Variants in EYS observed in about 807,000 individuals in gnomAD.
EYS encodes protein eyes shut homolog.
A neutral mutation model predicts 282.1 loss-of-function variants in EYS; 250 were observed. The observed-to-expected ratio is 0.89, with a 90% CI of 0.80 to 0.98. The LOEUF (loss-of-function observed/expected upper bound fraction) is 0.98. EYS is among the 50% of genes least tolerant of loss of function. The probability of loss-of-function intolerance (pLI) is 0.00; values close to 1 mark genes in which losing one functional copy is unlikely to be tolerated. For synonymous variants in EYS, 1,355 were observed against 1,282.9 expected, an observed-to-expected ratio of 1.06 and a Z score of -1.20; for missense variants, 4,016 against 3,709.0, an observed-to-expected ratio of 1.08 and a Z score of -2.15.
At chr6:65,503,254 A>T (rs552321887) in intron 2 of EYS, among the ~76,000 whole-genome samples, 1 of 151,654 alleles carries the variant, frequency 6.6e-6, no homozygotes, top group African/African-American at 2.4e-5. Flanking sequence ...TTTATTTACC[A>T]TCTGTATATT....
chr6:64,376,592 CTGCACTCTCTCTA>C (rs537835631), intron 29 of EYS, among the ~76,000 whole-genome samples: 42 of 152,254 alleles, frequency 2.8e-4, no homozygotes, highest in Non-Finnish European at 5.6e-4. Flanking sequence ...CTTTAGAATT[CTGCACTCTCTCTA>C]GGATAATCGC....
At chr6:65,540,657 G>A (rs187676218) in intron 2 of EYS, among the ~76,000 whole-genome samples, 4 of 152,234 alleles carry the variant, frequency 2.6e-5, no homozygotes, top group South Asian at 2.1e-4. Flanking sequence ...GGTGGCTCAC[G>A]CCTGTAATCC....
intron 22 of EYS, among the ~76,000 whole-genome samples, chr6:64,781,743 C>T (rs1047241970): frequency 1.3e-5 from 2 of 152,098 alleles, no homozygotes; most frequent in African/African-American, 4.8e-5. Context: ...CTTTTTCATA[C>T]ATTGGAGAAC....
intron 31 of EYS, among the ~76,000 whole-genome samples, chr6:64,112,449 T>C (rs1773235766): frequency 1.3e-5 from 2 of 151,912 alleles, no homozygotes; most frequent in South Asian, 4.1e-4. Context: ...GGTATATGTT[T>C]ATGGAGTACA....
chr6:64,636,379 C>A (rs1410885776), intron 22 of EYS, among the ~76,000 whole-genome samples: 1 of 152,150 alleles, frequency 6.6e-6, no homozygotes, highest in Non-Finnish European at 1.5e-5. Context: ...GGAAAACTGG[C>A]TAGCCATATG....
At chr6:65,468,717 T>A (rs1765099196) in intron 5 of EYS, among the ~76,000 whole-genome samples, 1 of 152,092 alleles carries the variant, frequency 6.6e-6, no homozygotes, top group Non-Finnish European at 1.5e-5. Flanking sequence ...TGCAAAGCAG[T>A]GTAAGTTTTA....
At chr6:65,246,702 T>C (rs1767188786) in intron 12 of EYS, among the ~76,000 whole-genome samples, 1 of 152,116 alleles carries the variant, frequency 6.6e-6, no homozygotes, top group Non-Finnish European at 1.5e-5. Context: ...GGTATTCAGA[T>C]TGGAAATACA....
chr6:64,909,141 C>T (rs1181676630), intron 16 of EYS, among the ~76,000 whole-genome samples: 1 of 152,074 alleles, frequency 6.6e-6, no homozygotes, highest in Admixed American at 6.6e-5. Flanking sequence ...ATATCTTCAC[C>T]ATGTTTAATT....
intron 22 of EYS, among the ~76,000 whole-genome samples, chr6:64,698,793 T>C (rs1770675950): frequency 6.6e-6 from 1 of 152,130 alleles, no homozygotes; most frequent in Admixed American, 6.5e-5. Context: ...CTTACACCAG[T>C]CAGAATAGCT....
intron 19 of EYS, among the ~76,000 whole-genome samples, chr6:64,826,731 TGTG>T (rs1396779618): frequency 6.7e-6 from 1 of 150,220 alleles, no homozygotes; most frequent in African/African-American, 2.4e-5. Context: ...TTTTTCAGAC[TGTG>T]TTTTTTTTTC....
chr6:64,782,638 T>C (rs1365981487), intron 22 of EYS, among the ~76,000 whole-genome samples: 2 of 152,254 alleles, frequency 1.3e-5, no homozygotes, highest in East Asian at 3.8e-4. Flanking sequence ...ATTACTTTTC[T>C]TCATTTCAAG....
At chr6:64,064,006 C>T (rs1243699925) in intron 33 of EYS, among the ~76,000 whole-genome samples, 1 of 152,062 alleles carries the variant, frequency 6.6e-6, no homozygotes, top group Non-Finnish European at 1.5e-5. Flanking sequence ...TGTACTCTTC[C>T]CTTGCCTGAA....
intron 11 of EYS, among the ~76,000 whole-genome samples, chr6:65,300,563 T>C (rs576383930): frequency 4.0e-4 from 61 of 152,308 alleles, no homozygotes; most frequent in African/African-American, 1.3e-3. Context: ...TCTCTGGCTG[T>C]GAAGTTAGAG....
At chr6:65,201,973 G>A (rs555524186) in intron 12 of EYS, among the ~76,000 whole-genome samples, 11 of 152,126 alleles carry the variant, frequency 7.2e-5, no homozygotes, top group South Asian at 2.1e-4. Context: ...TAAGCTGGGC[G>A]TGGTGACGCA....
chr6:64,396,491 C>T (rs1266130827), intron 28 of EYS, among the ~76,000 whole-genome samples: 1 of 151,868 alleles, frequency 6.6e-6, no homozygotes, highest in African/African-American at 2.4e-5. Context: ...TCAATCTTTT[C>T]CTTAATAATT....
At chr6:64,048,383 G>T (rs1163508127) in intron 33 of EYS, among the ~76,000 whole-genome samples, 3 of 152,056 alleles carry the variant, frequency 2.0e-5, no homozygotes, top group Non-Finnish European at 2.9e-5. Flanking sequence ...TGTGACTTTG[G>T]TTCTGCATGG....
intron 5 of EYS, among the ~76,000 whole-genome samples, chr6:65,481,698 G>A (rs1401633351): frequency 6.6e-6 from 1 of 152,006 alleles, no homozygotes; most frequent in Non-Finnish European, 1.5e-5. Flanking sequence ...ACAGGTGCCC[G>A]CCACCACGCT....
At chr6:65,409,020 A>G (rs1766869644) in intron 5 of EYS, among the ~76,000 whole-genome samples, 3 of 152,180 alleles carry the variant, frequency 2.0e-5, no homozygotes, top group Admixed American at 2.0e-4. Flanking sequence ...AGATTTCTAG[A>G]AACAATTCTG....
At position 65,057,740 on chromosome 6, in the gene EYS, G is replaced by T. The variant is rs1210144864; in HGVS notation, c.2024-13C>A. On this transcript the variant is annotated splice_polypyrimidine_tract_variant and intron_variant, in intron 12 of 42. Coordinates refer to ENST00000503581, the MANE Select transcript of EYS (RefSeq NM_001142800.2). ...TCACATTGCGTACCTTTGGAAAATAGGAAAAAAAAATGTTAAGTGTTAACA... is the reference window on the plus strand; with the variant it reads ...TCACATTGCGTACCTTTGGAAAATATGAAAAAAAAATGTTAAGTGTTAACA... The T allele has an allele frequency of 2.1e-6, 3 of 1,436,452 alleles. No homozygotes were observed. The highest frequency in any genetic ancestry group is 2.8e-5 in the African/African-American group (2 of 70,292). 89.0% of individuals were successfully genotyped at this position (1,436,452 alleles called of 1,614,324 possible). A position where few individuals can be genotyped will look rare whatever the true frequency, so the allele number is the denominator to read the frequency against.
Sources: allele counts gnomAD v4.1 joint callset (sites outside exome capture counted in the v4.1 genomes callset), GRCh38; gene constraint gnomAD v4.1.1; transcripts MANE v1.5; gene names NCBI Gene and HGNC (gene_info 2026-07-23, HGNC 2026-07-21).